The following PKNOX2 variants were observed in gnomAD, a reference collection of about 807,000 sequenced individuals.
PKNOX2 encodes PBX/knotted 1 homeobox 2.
PKNOX2 carries 14 observed loss-of-function variants against 53.1 expected under a neutral mutation model. The observed-to-expected ratio is 0.26, with a 90% CI of 0.17 to 0.41. The LOEUF is 0.41. Among genes scored for constraint, PKNOX2 ranks in the 10% least tolerant of loss-of-function variants. PKNOX2 has a pLI of 1.00. For missense variants in PKNOX2, 496 were observed against 602.8 expected, an observed-to-expected ratio of 0.82 and a Z score of 1.85; for synonymous variants, 257 against 242.8, an observed-to-expected ratio of 1.06 and a Z score of -0.54.
intron 2 of PKNOX2, among the ~76,000 whole-genome samples, chr11:125,297,030 G>C (rs1369522729): frequency 6.6e-6 from 1 of 152,144 alleles, no homozygotes; most frequent in Non-Finnish European, 1.5e-5. Flanking sequence ...ACAATGCCTG[G>C]CACATAGCAG....
chr11:125,216,312 C>T (rs955209625), intron 1 of PKNOX2, among the ~76,000 whole-genome samples: 2 of 152,306 alleles, frequency 1.3e-5, no homozygotes, highest in Middle Eastern at 3.4e-3. Flanking sequence ...TGACAGGCCA[C>T]GGTGTGACCC....
intron 2 of PKNOX2, among the ~76,000 whole-genome samples, chr11:125,289,351 G>T (rs1947153909): frequency 6.6e-6 from 1 of 152,198 alleles, no homozygotes; most frequent in Non-Finnish European, 1.5e-5. Flanking sequence ...ATGCAACATT[G>T]TCCTTCAGTT....
chr11:125,192,876 G>A (rs559086990), intron 1 of PKNOX2, among the ~76,000 whole-genome samples: 15 of 152,332 alleles, frequency 9.8e-5, no homozygotes, highest in Admixed American at 9.1e-4. Flanking sequence ...AAGCTGGCAG[G>A]GAAACCAGCT....
intron 10 of PKNOX2, among the ~76,000 whole-genome samples, chr11:125,417,364 C>G (rs1955941166): frequency 6.6e-6 from 1 of 152,036 alleles, no homozygotes. Flanking sequence ...AGACCAGGCC[C>G]CAGCAGGCCC....
chr11:125,298,266 T>C (rs1237103028), intron 2 of PKNOX2, among the ~76,000 whole-genome samples: 1 of 152,204 alleles, frequency 6.6e-6, no homozygotes, highest in African/African-American at 2.4e-5. Flanking sequence ...AGCTGGGCAC[T>C]GGGAGACCTG....
chr11:125,196,343 G>T (rs1215824789), intron 1 of PKNOX2, among the ~76,000 whole-genome samples: 4 of 152,146 alleles, frequency 2.6e-5, no homozygotes. Context: ...TTTCTCTAGG[G>T]CTCCCTGAGG....
At chr11:125,276,608 C>T (rs1946178494) in intron 2 of PKNOX2, among the ~76,000 whole-genome samples, 1 of 152,060 alleles carries the variant, frequency 6.6e-6, no homozygotes, top group African/African-American at 2.4e-5. Flanking sequence ...GGGTAGTTCT[C>T]ATCTTATAGA....
intron 2 of PKNOX2, among the ~76,000 whole-genome samples, chr11:125,291,208 G>A (rs2135909066): frequency 6.6e-6 from 1 of 152,294 alleles, no homozygotes; most frequent in East Asian, 1.9e-4. Flanking sequence ...TAAAGTTGGA[G>A]GCAGATGAGT....
intron 10 of PKNOX2, 35 bp from the exon 11 acceptor site, chr11:125,428,977 G>T (rs899777081): frequency 6.4e-7 from 1 of 1,574,534 alleles, no homozygotes; most frequent in Non-Finnish European, 8.7e-7. Flanking sequence ...ATCAGCATAT[G>T]CCCAGCCCTC....
intron 1 of PKNOX2, among the ~76,000 whole-genome samples, chr11:125,178,521 A>G (rs1355099661): frequency 6.8e-6 from 1 of 148,110 alleles, no homozygotes; most frequent in Non-Finnish European, 1.5e-5. Flanking sequence ...AAAAAAAAAA[A>G]AGAAGAAAGA....
At chr11:125,387,986 G>A (rs1953764636) in intron 6 of PKNOX2, among the ~76,000 whole-genome samples, 1 of 152,042 alleles carries the variant, frequency 6.6e-6, no homozygotes, top group Non-Finnish European at 1.5e-5. Context: ...GATGGCACTG[G>A]GAAATGGCCT....
At chr11:125,416,178 C>T (rs1455150512) in intron 10 of PKNOX2, among the ~76,000 whole-genome samples, 1 of 151,296 alleles carries the variant, frequency 6.6e-6, no homozygotes, top group Non-Finnish European at 1.5e-5. Context: ...TGGCGGGCGC[C>T]TGTAGTCCCA....
At chr11:125,400,567 G>A (rs1400546332) in intron 7 of PKNOX2, among the ~76,000 whole-genome samples, 1 of 152,112 alleles carries the variant, frequency 6.6e-6, no homozygotes, top group African/African-American at 2.4e-5. Flanking sequence ...CAATCTGACT[G>A]TTCAAGGTGC....
Position 125,276,102 on chromosome 11 carries a change from C to G in PKNOX2, c.-130+40987C>G, listed in dbSNP as rs75211433. On this transcript the variant is annotated intron_variant, in intron 2 of 12. Coordinates refer to ENST00000298282, the MANE Select transcript of PKNOX2 (RefSeq NM_001382323.2). ...AAGTTTTTTGAGATCAGCAATTGAC[C>G]TGCTGTGCCAAATGCTGCTGGGAAG... Among the ~76,000 whole-genome samples, 668 of 152,276 alleles carry G rather than the reference C, an allele frequency of 4.4e-3. 5 individuals are homozygous for G. The highest frequency in any genetic ancestry group is 0.015 in the African/African-American group (618 of 41,552).
rs545321024 is a variant in PKNOX2, at chr11:125,407,755, A to C, written c.589-2441A>C. On this transcript the variant is annotated intron_variant, in intron 7 of 12. Coordinates refer to ENST00000298282, the MANE Select transcript of PKNOX2 (RefSeq NM_001382323.2). Reference sequence around the variant, plus strand: ...TACCCTGTCTCAAAAAACAAACAAAAAAAAAAGTAAATTTACCTTCCGAGT... The same window carrying C: ...TACCCTGTCTCAAAAAACAAACAAACAAAAAAGTAAATTTACCTTCCGAGT... 8.6e-4 allele frequency among the ~76,000 whole-genome samples: 131 copies of C among 152,272 alleles called. No homozygotes were observed. The South Asian group carries it at 9.3e-3, about 11-fold the overall frequency.
intron 2 of PKNOX2, among the ~76,000 whole-genome samples, chr11:125,265,522 C>T (rs555996724): frequency 1.3e-5 from 2 of 152,370 alleles, no homozygotes; most frequent in Non-Finnish European, 2.9e-5. Context: ...TCAGTGGACG[C>T]ATCCCTGACA....
In PKNOX2 at chr11:125,431,887, G is replaced by A; in HGVS notation, c.*495G>A. 1 of 162,854 alleles carries A rather than the reference G, an allele frequency of 6.1e-6. No homozygotes were observed. Among genetic ancestry groups the A allele is most frequent in the Non-Finnish European group, 1.3e-5 (1 of 74,144 alleles). The allele number at this position is 162,854 out of a possible 1,614,324, so 10.1% of individuals were successfully genotyped here. ...TTGACAGACATTCAAGGGCAGGAGGGAGCCCCAAAGCATAACCAGTGGCCA... is the reference window on the plus strand; with the variant it reads ...TTGACAGACATTCAAGGGCAGGAGGAAGCCCCAAAGCATAACCAGTGGCCA... On this transcript the variant is annotated 3_prime_UTR_variant, in exon 13 of 13. Coordinates refer to ENST00000298282, the MANE Select transcript of PKNOX2 (RefSeq NM_001382323.2).
intron 1 of PKNOX2, chr11:125,190,960 T>G (rs563423883): frequency 6.6e-6 from 1 of 152,358 alleles, no homozygotes; most frequent in East Asian, 1.9e-4. Flanking sequence ...TTTCACTTTT[T>G]GTTTTCATAT....
chr11:125,188,995 G>A (rs911763576), intron 1 of PKNOX2, among the ~76,000 whole-genome samples: 4 of 152,048 alleles, frequency 2.6e-5, no homozygotes, highest in Non-Finnish European at 5.9e-5. Context: ...GACACCGCAG[G>A]AGTTGCTGCT....
Sources: gnomAD v4.1 joint callset for allele counts (sites outside exome capture counted in the v4.1 genomes callset) on GRCh38, gnomAD v4.1.1 for gene constraint, MANE v1.5 for transcripts, NCBI Gene and HGNC (gene_info 2026-07-23, HGNC 2026-07-21) for gene names.